CDS1: variants seen among roughly 807,000 people sequenced by gnomAD.
CDS1 encodes phosphatidate cytidylyltransferase 1.
A neutral mutation model predicts 62.1 loss-of-function variants in CDS1; 41 were observed. The observed-to-expected ratio is 0.66, with a 90% confidence interval of 0.51 to 0.86. The LOEUF (loss-of-function observed/expected upper bound fraction) is 0.86. Ranked by LOEUF, CDS1 falls within the 40% of genes least tolerant of loss-of-function variation. The probability of loss-of-function intolerance (pLI) is 0.00; values close to 1 mark genes in which losing one functional copy is unlikely to be tolerated. For synonymous variants in CDS1, 185 were observed against 192.6 expected, an observed-to-expected ratio of 0.96 and a Z score of 0.32; for missense variants, 470 against 550.1, an observed-to-expected ratio of 0.85 and a Z score of 1.46.
intron 6 of CDS1, 143 bp from the exon 7 acceptor site, chr4:84,633,712 AAC>A: frequency 4.9e-6 from 2 of 410,416 alleles, no homozygotes; most frequent in Non-Finnish European, 4.3e-6. Context: ...ATAATTTACT[AAC>A]AGTGTTTTTA....
chr4:84,613,089 T>C lies in CDS1; in HGVS notation c.342+3564T>C, dbSNP rs867928852. Among the ~76,000 whole-genome samples the C allele has an allele frequency of 1.4e-4, 21 of 151,728 alleles. No homozygotes were observed. The South Asian group carries it at 2.7e-3, about 19-fold the overall frequency. On this transcript the variant is annotated intron_variant, in intron 3 of 12. Transcript: ENST00000295887. ...TTACATACACATACATGCATAGATA[T>C]ATATATATATATTATGTTTTTATGA...
chr4:84,631,929 C>CTTT, intron 6 of CDS1, 52 bp downstream of exon 6: 11 of 1,210,942 alleles, frequency 9.1e-6, no homozygotes, highest in South Asian at 5.5e-5. Context: ...AAACCCTTAA[C>CTTT]TTTTTTTTTT....
intron 5 of CDS1, among the ~76,000 whole-genome samples, chr4:84,623,349 T>A (rs1723749112): frequency 6.6e-6 from 1 of 152,238 alleles, no homozygotes; most frequent in Non-Finnish European, 1.5e-5. Context: ...TACAGCTGAT[T>A]GCTTTGGCTA....
intron 1 of CDS1, among the ~76,000 whole-genome samples, chr4:84,602,386 G>T (rs1312837154): frequency 6.6e-6 from 1 of 152,178 alleles, no homozygotes; most frequent in Non-Finnish European, 1.5e-5. Flanking sequence ...CTTTGAAGTG[G>T]CTTGCAGAGA....
intron 3 of CDS1, among the ~76,000 whole-genome samples, chr4:84,613,811 GT>G (rs890613022): frequency 1.9e-4 from 29 of 152,120 alleles, no homozygotes; most frequent in Non-Finnish European, 2.9e-4. Flanking sequence ...ATTGAAAGAG[GT>G]TTTTTCCCCC....
chr4:84,607,837 T>C (rs1723179157), intron 2 of CDS1, among the ~76,000 whole-genome samples: 1 of 152,218 alleles, frequency 6.6e-6, no homozygotes, highest in African/African-American at 2.4e-5. Flanking sequence ...ATTTAAATGC[T>C]ACCAGTTGAA....
At position 84,638,960 on chromosome 4, in the gene CDS1, G is replaced by A; in HGVS notation, c.847G>A (p.Gly283Ser). 6.4e-7 allele frequency: 1 copy of A among 1,571,902 alleles called. No homozygotes were observed. The highest frequency in any genetic ancestry group is 8.6e-7 in the Non-Finnish European group (1 of 1,159,738). ...PKKTWEGFIG[G>S]FFSTVVFGFI... ...AAAGACTTGGGAAGGATTCATTGGT[G>A]GTTTCTTTTCCACAGTTGTGTTTGG... Residue 283 changes from glycine to serine, a missense_variant, in exon 9 of 13, where the codon GGT (glycine) becomes AGT (serine). Around this residue, in one of 5 missense-constraint regions of CDS1, gnomAD observed 214 missense variants for 242.4 expected, o/e 0.88. Transcript: ENST00000295887.
chr4:84,616,438 T>C (rs1578034869), intron 3 of CDS1, among the ~76,000 whole-genome samples: 1 of 152,360 alleles, frequency 6.6e-6, no homozygotes, highest in East Asian at 1.9e-4. Context: ...TGTGGAAATC[T>C]TAAAAAGAAA....
intron 5 of CDS1, among the ~76,000 whole-genome samples, chr4:84,623,087 A>G (rs181021157): frequency 1.3e-5 from 2 of 152,238 alleles, no homozygotes; most frequent in African/African-American, 4.8e-5. Flanking sequence ...TAGTATATCA[A>G]TTGCCTTTTT....
At chr4:84,615,115 A>T in intron 3 of CDS1, among the ~76,000 whole-genome samples, 1 of 151,948 alleles carries the variant, frequency 6.6e-6, no homozygotes, top group East Asian at 1.9e-4. Context: ...ATGACAGTTG[A>T]CCCAATTTGT....
intron 1 of CDS1, among the ~76,000 whole-genome samples, chr4:84,597,312 G>T (rs993992253): frequency 6.6e-6 from 1 of 152,162 alleles, no homozygotes; most frequent in Non-Finnish European, 1.5e-5. Context: ...GGACCACAGA[G>T]CTGATGAATG....
At chr4:84,632,641 AACAAG>A (rs1001707700) in intron 6 of CDS1, among the ~76,000 whole-genome samples, 1 of 152,214 alleles carries the variant, frequency 6.6e-6, no homozygotes, top group Non-Finnish European at 1.5e-5. Context: ...TTTATATAGA[AACAAG>A]ACAAGTAAAA....
At chr4:84,631,586 G>A (rs1724021265) in intron 5 of CDS1, among the ~76,000 whole-genome samples, 1 of 152,192 alleles carries the variant, frequency 6.6e-6, no homozygotes, top group Non-Finnish European at 1.5e-5. Flanking sequence ...TGCAGAGGAT[G>A]TTTATTGAAT....
At chr4:84,625,956 T>G (rs189955844) in intron 5 of CDS1, among the ~76,000 whole-genome samples, 2 of 151,454 alleles carry the variant, frequency 1.3e-5, no homozygotes, top group African/African-American at 2.4e-5. Context: ...TCACGTGAGG[T>G]CAAGAGTTCA....
intron 1 of CDS1, among the ~76,000 whole-genome samples, chr4:84,602,404 T>A (rs1218183794): frequency 2.6e-5 from 4 of 152,202 alleles, no homozygotes; most frequent in Non-Finnish European, 5.9e-5. Flanking sequence ...AGAACTTTAA[T>A]ATTTTGAGGA....
intron 3 of CDS1, among the ~76,000 whole-genome samples, chr4:84,613,411 C>T (rs531880203): frequency 1.9e-3 from 295 of 152,218 alleles, no homozygotes; most frequent in South Asian, 3.5e-3. Context: ...AAGTTCAAGA[C>T]CAGCCTGGCC....
intron 1 of CDS1, among the ~76,000 whole-genome samples, chr4:84,594,556 G>C (rs549971391): frequency 4.6e-5 from 7 of 152,092 alleles, no homozygotes; most frequent in African/African-American, 1.7e-4. Context: ...TTTTGGGGTG[G>C]CATATTCTAG....
chr4:84,644,772 T>C (rs1200121232), intron 11 of CDS1, among the ~76,000 whole-genome samples: 4 of 152,194 alleles, frequency 2.6e-5, no homozygotes, highest in Non-Finnish European at 5.9e-5. Context: ...ATGTTTATCA[T>C]AGTAGTAAAA....
At chr4:84,611,204 A>G (rs145904781) in intron 3 of CDS1, among the ~76,000 whole-genome samples, 3 of 152,312 alleles carry the variant, frequency 2.0e-5, no homozygotes, top group East Asian at 3.9e-4. Context: ...ACCGAGGAGA[A>G]ATGCATTTGT....
Sources: gnomAD v4.1 joint callset for allele counts (sites outside exome capture counted in the v4.1 genomes callset) on GRCh38, gnomAD v4.1.1 for gene constraint, gnomAD v4.1.1 regional missense constraint, MANE v1.5 for transcripts, NCBI Gene and HGNC (gene_info 2026-07-23, HGNC 2026-07-21) for gene names.